Variants in PRR19 observed in about 807,000 individuals in gnomAD.
PRR19 encodes the protein proline rich 19.
A neutral mutation model predicts 19.2 loss-of-function variants in PRR19; 9 were observed. That is an observed-to-expected ratio of 0.47 (90% CI 0.28 to 0.82). The LOEUF (loss-of-function observed/expected upper bound fraction) is 0.82, where lower values mean the gene tolerates loss of function less well. PRR19 is among the 40% of genes least tolerant of loss of function. The pLI, the probability that PRR19 is intolerant of heterozygous loss-of-function variation, is 0.11. For synonymous variants in PRR19, 190 were observed against 191.0 expected (o/e 0.99, Z 0.04); for missense variants, 457 against 466.0 (o/e 0.98, Z 0.18).
At chr19:42,304,055 G>C (rs181209878) in intron 1 of PRR19, among the ~76,000 whole-genome samples, 1 of 151,030 alleles carries the variant, frequency 6.6e-6, no homozygotes, top group African/African-American at 2.4e-5. Flanking sequence ...GACATGGTCG[G>C]ATCACTTGAG....
Position 42,310,296 on chromosome 19 carries a change from A to T in PRR19, c.627A>T (p.Arg209Ser). Residue 209 changes from arginine (R) to serine (S), a missense_variant, in exon 3 of 3, where the codon AGA (arginine) becomes AGT (serine). By Grantham distance (110) the Arg-to-Ser change is moderately radical. Coordinates refer to ENST00000341747, the MANE Select transcript of PRR19 (RefSeq NM_199285.3). The part of the protein sequence containing the change: ...LPGAKPGVSE[R>S]KMTPFWINSP... ...GGGCCAAGCCTGGGGTCTCTGAGAG[A>T]AAGATGACACCCTTCTGGATTAATA... 3.1e-6 allele frequency: 5 copies of T among 1,614,062 alleles called. No individual in the cohort carries two copies. Among genetic ancestry groups the T allele is most frequent in the Non-Finnish European group, 2.5e-6 (3 of 1,180,004 alleles).
chr19:42,302,528 T>G, intron 1 of PRR19, 25 bp downstream of exon 1: 7 of 506,300 alleles, frequency 1.4e-5, no homozygotes, highest in Admixed American at 3.8e-5. Flanking sequence ...GAACCTTCGC[T>G]TCCCCCACGA....
rs1363009781 is a variant in PRR19 at position 42,309,697 on chromosome 19, G to A, written c.113G>A (p.Arg38Gln). 3.7e-6 allele frequency: 6 copies of A among 1,603,924 alleles called. No individual in the cohort carries two copies. The highest frequency in any genetic ancestry group is 4.3e-6 in the Non-Finnish European group (5 of 1,172,490). ...AACAAGGCCCTGGTGGGCAGCCGCC[G>A]GCCATTAGCCCACCACGATCCTCCT... The part of the protein sequence containing the change: ...ERNKALVGSR[R>Q]PLAHHDPPVA... The change falls in exon 2 of 3, where the codon CGG becomes CAG. Residue 38 changes from arginine to glutamine, a missense_variant. Arg to Gln is a conservative substitution (Grantham distance 43). Transcript: ENST00000341747.
At position 42,302,375 on chromosome 19, in the gene PRR19, G is replaced by A; in HGVS notation, c.-135G>A. ...GCCCGGGAGTGTTCCGAACGGAGCT[G>A]GCTCCGCCACGCCCACTCCTACCCC... On this transcript the variant is annotated 5_prime_UTR_variant, in exon 1 of 3. Transcript: ENST00000341747. The A allele has an allele frequency of 7.0e-7, 1 of 1,428,982 alleles. No homozygotes were observed. Among genetic ancestry groups the A allele is most frequent in the Non-Finnish European group, 9.5e-7 (1 of 1,052,218 alleles). 88.5% of individuals were successfully genotyped at this position (1,428,982 alleles called of 1,614,324 possible).
rs2038781121 is a variant in PRR19, at chr19:42,310,487, C to T, written c.818C>T (p.Ser273Phe). Reference sequence around the variant, plus strand: ...TACTTTCCCTCACTGTCTTCGCCATCTGGAACAGCCTGGGGTCCCCCAACA... The same window carrying T: ...TACTTTCCCTCACTGTCTTCGCCATTTGGAACAGCCTGGGGTCCCCCAACA... The part of the protein sequence containing the change: ...PPYFPSLSSP[S>F]GTAWGPPTAF... The change falls in exon 3 of 3, where the codon TCT (serine) becomes TTT (phenylalanine). Residue 273 changes from serine (S) to phenylalanine (F), a missense_variant. By Grantham distance (155) the Ser-to-Phe change is radical (BLOSUM62 -2). Coordinates refer to ENST00000341747, the MANE Select transcript of PRR19 (RefSeq NM_199285.3). 1.9e-6 allele frequency: 3 copies of T among 1,614,096 alleles called. No individual in the cohort carries two copies. In the Admixed American group the frequency reaches 5.0e-5, roughly 27 times the overall value.
Position 42,302,356 on chromosome 19 carries a change from G to T in PRR19, c.-154G>T, listed in dbSNP as rs751873527. The T allele has an allele frequency of 8.5e-6, 13 of 1,527,352 alleles. No individual in the cohort carries two copies. The South Asian group carries it at 1.4e-4, about 17-fold the overall frequency. The allele number at this position is 1,527,352 out of a possible 1,614,324, so 94.6% of individuals were successfully genotyped here. On this transcript the variant is annotated 5_prime_UTR_variant, in exon 1 of 3. Transcript: ENST00000341747. Reference sequence around the variant, plus strand: ...GGATGAGCGAGTCGGGTCGGCCCGGGAGTGTTCCGAACGGAGCTGGCTCCG... The same window carrying T: ...GGATGAGCGAGTCGGGTCGGCCCGGTAGTGTTCCGAACGGAGCTGGCTCCG...
chr19:42,302,185 C>A lies in PRR19; in HGVS notation c.-325C>A, dbSNP rs1486513546. 4.6e-6 allele frequency: 7 copies of A among 1,524,824 alleles called. No homozygotes were observed. The highest frequency in any genetic ancestry group is 6.2e-6 in the Non-Finnish European group (7 of 1,124,158). 94.5% of individuals were successfully genotyped at this position (1,524,824 alleles called of 1,614,324 possible). On this transcript the variant is annotated 5_prime_UTR_variant, in exon 1 of 3. Transcript: ENST00000341747. ...ACGAACCAGCCGTTCTCCTGAGCCA[C>A]CCCCCGCGCCCCCGGACTCCTCAAT...
intron 1 of PRR19, among the ~76,000 whole-genome samples, chr19:42,308,390 CTTTTTTTTT>C (rs774768445): frequency 5.0e-5 from 6 of 119,316 alleles, no homozygotes; most frequent in Non-Finnish European, 6.9e-5. Context: ...CCGAATCCAG[CTTTTTTTTT>C]TTTTTTTTTT....
chr19:42,302,430 A>G lies in PRR19; in HGVS notation c.-80A>G. 2.3e-6 allele frequency: 2 copies of G among 866,114 alleles called. No individual in the cohort carries two copies. Among genetic ancestry groups the G allele is most frequent in the Non-Finnish European group, 3.5e-6 (2 of 573,120 alleles). The allele number at this position is 866,114 out of a possible 1,614,324, so 53.7% of individuals were successfully genotyped here. On this transcript the variant is annotated 5_prime_UTR_variant, in exon 1 of 3. The change abolishes the stop of an existing upstream ORF in the 5' untranslated region. Coordinates refer to ENST00000341747, the MANE Select transcript of PRR19 (RefSeq NM_199285.3). ...GGCAACAAAGGACCGTCCCAACGCT[A>G]GCACACCCGCGGAGGACGAAGGCCG...
At chr19:42,302,575 G>A (rs757055548) in intron 1 of PRR19, 72 bp downstream of exon 1, 3 of 445,340 alleles carry the variant, frequency 6.7e-6, no homozygotes, top group Non-Finnish European at 1.2e-5. Flanking sequence ...CTTCCCGCTC[G>A]GGCCGCTGAC....
In PRR19 at chr19:42,309,733, G is replaced by C; in HGVS notation, c.149G>C (p.Arg50Pro). Residue 50 changes from arginine to proline, a missense_variant, in exon 2 of 3, where the codon CGG becomes CCG. Arg to Pro is a moderately radical substitution (Grantham distance 103, BLOSUM62 -2). Coordinates refer to ENST00000341747, the MANE Select transcript of PRR19 (RefSeq NM_199285.3). ...LAHHDPPVAI[R>P]DPPVVPTASK... ...CACCACGATCCTCCTGTGGCCATTC[G>C]GGATCCACCTGTGGTCCCTACTGCC... The C allele has an allele frequency of 6.2e-7, 1 of 1,607,216 alleles. No individual in the cohort carries two copies. The highest frequency in any genetic ancestry group is 1.1e-5 in the South Asian group (1 of 90,768).
intron 1 of PRR19, chr19:42,307,126 G>GC (rs919846921): frequency 2.0e-5 from 3 of 152,338 alleles, no homozygotes; most frequent in Non-Finnish European, 4.4e-5. Context: ...CCTTCACTCT[G>GC]CCCACCCTGC....
In PRR19 at chr19:42,310,398, C is replaced by T. The variant is rs778747576; in HGVS notation, c.729C>T (p.Tyr243=). ...GTKEFTFPMP[Y]TSSMPTAHRG... is the part of the protein sequence containing the mutation. ...AGGAGTTCACCTTCCCCATGCCCTA[C>T]ACCTCCAGCATGCCCACTGCGCACA... The change falls in exon 3 of 3, where the codon TAC becomes TAT. Residue 243 remains tyrosine, a synonymous_variant. Coordinates refer to ENST00000341747, the MANE Select transcript of PRR19 (RefSeq NM_199285.3). 3 of 1,614,208 alleles carry T rather than the reference C, an allele frequency of 1.9e-6. No homozygotes were observed. The highest frequency in any genetic ancestry group is 1.1e-5 in the South Asian group (1 of 91,086).
In PRR19 at chr19:42,309,745, T is replaced by C. The variant is rs979254210; in HGVS notation, c.161T>C (p.Val54Ala). 4 of 1,608,516 alleles carry C rather than the reference T, an allele frequency of 2.5e-6. No individual in the cohort carries two copies. The highest frequency in any genetic ancestry group is 2.7e-5 in the African/African-American group (2 of 74,856). The change falls in exon 2 of 3, where the codon GTG becomes GCG. Residue 54 changes from valine to alanine, a missense_variant. Transcript: ENST00000341747. ...CCTGTGGCCATTCGGGATCCACCTGTGGTCCCTACTGCCTCCAAGCTCGTG... is the reference window on the plus strand; with the variant it reads ...CCTGTGGCCATTCGGGATCCACCTGCGGTCCCTACTGCCTCCAAGCTCGTG... ...DPPVAIRDPP[V>A]VPTASKLVVI...
intron 1 of PRR19, 105 bp from the exon 2 acceptor site, chr19:42,309,474 G>A: frequency 3.6e-6 from 3 of 835,678 alleles, no homozygotes; most frequent in Non-Finnish European, 5.7e-6. Flanking sequence ...CTACCCCAGT[G>A]TTGGTATTAC....
chr19:42,304,642 T>C (rs953415845), intron 1 of PRR19, among the ~76,000 whole-genome samples: 1 of 139,656 alleles, frequency 7.2e-6, no homozygotes, highest in Non-Finnish European at 1.5e-5. Context: ...CCCAGCTACT[T>C]GGGAGGCTGA....
At chr19:42,306,024 A>C (rs2147394889) in intron 1 of PRR19, among the ~76,000 whole-genome samples, 1 of 152,100 alleles carries the variant, frequency 6.6e-6, no homozygotes, top group South Asian at 2.1e-4. Flanking sequence ...GTCGTGAGCC[A>C]ATGCATGTGG....
chr19:42,302,573 T>C (rs2038654369), intron 1 of PRR19, 70 bp downstream of exon 1: 3 of 432,788 alleles, frequency 6.9e-6, no homozygotes, highest in Admixed American at 4.1e-5. Flanking sequence ...CGCTTCCCGC[T>C]CGGGCCGCTG....
At chr19:42,308,060 C>T (rs1204578404) in intron 1 of PRR19, among the ~76,000 whole-genome samples, 3 of 151,840 alleles carry the variant, frequency 2.0e-5, no homozygotes, top group South Asian at 4.2e-4. Context: ...CCCGGCTCAC[C>T]CTCCATCTTT....
Sources: gnomAD v4.1 joint callset for allele counts (sites outside exome capture counted in the v4.1 genomes callset) on GRCh38, gnomAD v4.1.1 for gene constraint, MANE v1.5 for transcripts, NCBI Gene and HGNC (gene_info 2026-07-23, HGNC 2026-07-21) for gene names.